Variants in STK17A observed in about 807,000 individuals in gnomAD.
STK17A encodes the protein serine/threonine kinase 17a.
STK17A carries 26 observed loss-of-function variants against 43.7 expected under a neutral mutation model. The ratio of observed to expected loss-of-function variants is 0.60; its 90% CI spans 0.44 to 0.83. The LOEUF (loss-of-function observed/expected upper bound fraction) is 0.83. STK17A is among the 40% of genes least tolerant of loss of function. STK17A has a pLI of 0.00. For synonymous variants in STK17A, 191 were observed against 182.5 expected, an observed-to-expected ratio of 1.05 and a Z score of -0.38; for missense variants, 476 against 511.6, an observed-to-expected ratio of 0.93 and a Z score of 0.67.
In STK17A at chr7:43,595,942, C is replaced by G. The variant is rs568389865; in HGVS notation, c.248C>G (p.Ser83Cys). ...GTGAGAAAATGTATAAAGAAAGATTCTGGGAAAGAATTTGCTGCAAAGTTC... is the reference window on the plus strand; with the variant it reads ...GTGAGAAAATGTATAAAGAAAGATTGTGGGAAAGAATTTGCTGCAAAGTTC... Reference protein sequence around the residue: ...AVVRKCIKKDSGKEFAAKFMR... With the variant: ...AVVRKCIKKDCGKEFAAKFMR... The change falls in exon 2 of 7, where the codon TCT becomes TGT. Residue 83 changes from serine to cysteine, a missense_variant. Transcript: ENST00000319357. 3.1e-5 allele frequency: 50 copies of G among 1,613,542 alleles called. No individual in the cohort carries two copies. Among genetic ancestry groups the G allele is most frequent in the Non-Finnish European group, 4.1e-5 (48 of 1,179,842 alleles).
At chr7:43,613,014 A>G (rs911387410) in intron 3 of STK17A, among the ~76,000 whole-genome samples, 6 of 152,244 alleles carry the variant, frequency 3.9e-5, no homozygotes, top group Admixed American at 1.3e-4. Flanking sequence ...AACAGTCTCA[A>G]TAATTTGGTG....
At chr7:43,600,521 A>G (rs943361918) in intron 2 of STK17A, among the ~76,000 whole-genome samples, 2 of 152,238 alleles carry the variant, frequency 1.3e-5, no homozygotes, top group Non-Finnish European at 2.9e-5. Flanking sequence ...TCACAGACAT[A>G]CATGAATGTA....
At position 43,619,461 on chromosome 7, in the gene STK17A, A is replaced by G. The variant is rs2083649494; in HGVS notation, c.565-136A>G. The stretch of plus-strand genomic sequence containing the variant: ...TACATAGGCAATAAATTGTAAAAAT[A>G]TTTCTTTAACAAATGACTGTTTACT... On this transcript the variant is annotated intron_variant, in intron 3 of 6. Coordinates refer to ENST00000319357, the MANE Select transcript of STK17A (RefSeq NM_004760.3). 3.7e-5 allele frequency: 43 copies of G among 1,156,496 alleles called. 1 individual carries two copies. In the South Asian group the frequency reaches 6.3e-4, roughly 17 times the overall value. The allele number at this position is 1,156,496 out of a possible 1,614,324, so 71.6% of individuals were successfully genotyped here.
rs563211377 is a variant in STK17A, at chr7:43,583,137, G to C, written c.-107G>C. ...TCCGAGCGCCGCGCTGGGGAGAGCGGGTGTTTGAAGGCTCCGCGGACCGGC... is the reference window on the plus strand; with the variant it reads ...TCCGAGCGCCGCGCTGGGGAGAGCGCGTGTTTGAAGGCTCCGCGGACCGGC... On this transcript the variant is annotated 5_prime_UTR_variant, in exon 1 of 7. Transcript: ENST00000319357. The C allele has an allele frequency of 8.2e-6, 10 of 1,218,616 alleles. No individual in the cohort carries two copies. The highest frequency in any genetic ancestry group is 9.1e-6 in the Non-Finnish European group (8 of 878,182). 75.5% of individuals were successfully genotyped at this position (1,218,616 alleles called of 1,614,324 possible). A position where few individuals can be genotyped will look rare whatever the true frequency, so the allele number is the denominator to read the frequency against.
rs185154969 is a variant in STK17A, at chr7:43,627,184, A to G, written c.*2342A>G. 5.3e-5 allele frequency among the ~76,000 whole-genome samples: 8 copies of G among 152,350 alleles called. No individual in the cohort carries two copies. The highest frequency in any genetic ancestry group is 3.9e-4 in the East Asian group (2 of 5,194). Reference sequence around the variant, plus strand: ...GTTGTTTATGAAATGTATAAAATGTATAAGTTTTAATCAACTGGGAAATGA... The same window carrying G: ...GTTGTTTATGAAATGTATAAAATGTGTAAGTTTTAATCAACTGGGAAATGA... On this transcript the variant is annotated 3_prime_UTR_variant, in exon 7 of 7. Coordinates refer to ENST00000319357, the MANE Select transcript of STK17A (RefSeq NM_004760.3).
At chr7:43,608,545 C>A in intron 3 of STK17A, 145 bp downstream of exon 3, 1 of 885,484 alleles carries the variant, frequency 1.1e-6, no homozygotes, top group East Asian at 2.7e-5. Flanking sequence ...CTCCTATCCT[C>A]TAGCCAGTTA....
intron 1 of STK17A, among the ~76,000 whole-genome samples, chr7:43,591,148 G>T (rs2082476189): frequency 6.6e-6 from 1 of 151,450 alleles, no homozygotes; most frequent in South Asian, 2.1e-4. Context: ...AGTGGTATGT[G>T]GTATTAGAAT....
chr7:43,583,502 C>T (rs1362235290), intron 1 of STK17A, 53 bp downstream of exon 1: 2 of 1,239,970 alleles, frequency 1.6e-6, no homozygotes, highest in Non-Finnish European at 2.0e-6. Context: ...CGGGGCGGGA[C>T]GTGGGCGCCG....
rs533178153 is a variant in STK17A, at chr7:43,591,620, C to T, written c.207-4281C>T. Among the ~76,000 whole-genome samples the T allele has an allele frequency of 4.0e-5, 6 of 151,464 alleles. No individual in the cohort carries two copies. In the South Asian group the frequency reaches 6.2e-4, roughly 16 times the overall value. On this transcript the variant is annotated intron_variant, in intron 1 of 6. Transcript: ENST00000319357. ...GTAGTCATTGATATGAAAGGAGAGC[C>T]GTGGGAACTGCATTCTAGCACCTAA...
At chr7:43,608,999 A>G (rs745617408) in intron 3 of STK17A, 1 of 152,356 alleles carries the variant, frequency 6.6e-6, no homozygotes, top group Non-Finnish European at 1.5e-5. Context: ...AAAGAAAAAC[A>G]AAGGACAGTA....
chr7:43,598,584 G>A (rs551495881), intron 2 of STK17A, among the ~76,000 whole-genome samples: 16 of 151,638 alleles, frequency 1.1e-4, no homozygotes, highest in Admixed American at 5.9e-4. Context: ...GAAATACTAC[G>A]ACAAACAACC....
chr7:43,624,510 CTT>C lies in STK17A; in HGVS notation c.921-6_921-5del, dbSNP rs758223728. 6.2e-7 allele frequency: 1 copy of C among 1,605,438 alleles called. No homozygotes were observed. The highest frequency in any genetic ancestry group is 1.1e-5 in the South Asian group (1 of 90,378). On this transcript the variant is annotated splice_polypyrimidine_tract_variant and splice_region_variant and intron_variant, in intron 6 of 6. Transcript: ENST00000319357. ...CATGTCTTAACTGTAAAACATGTATCTTTACAGAGATCGAGCCACTGCTGAAG... is the reference window on the plus strand; with the variant it reads ...CATGTCTTAACTGTAAAACATGTATCTACAGAGATCGAGCCACTGCTGAAG...
chr7:43,614,638 TAATA>T (rs2083182871), intron 3 of STK17A, among the ~76,000 whole-genome samples: 1 of 152,218 alleles, frequency 6.6e-6, no homozygotes, highest in African/African-American at 2.4e-5. Context: ...AAAGGCCACA[TAATA>T]AATATTAACT....
Position 43,587,160 on chromosome 7 carries a change from T to TG in STK17A, c.206+3711_206+3712insG, listed in dbSNP as rs1554477694. 1.8e-3 allele frequency among the ~76,000 whole-genome samples: 259 copies of TG among 142,432 alleles called. 12 individuals are homozygous for TG. Among genetic ancestry groups the TG allele is most frequent in the Middle Eastern group, 0.011 (3 of 284 alleles). 93.4% of individuals were successfully genotyped at this position (142,432 alleles called of 152,430 possible). On this transcript the variant is annotated intron_variant, in intron 1 of 6. Coordinates refer to ENST00000319357, the MANE Select transcript of STK17A (RefSeq NM_004760.3). ...TATGTTTTTATTGTTTTTTGTTTTTTTTTTTTTTTTTTGAGATGGAGTCTC... is the reference window on the plus strand; with the variant it reads ...TATGTTTTTATTGTTTTTTGTTTTTTGTTTTTTTTTTTTGAGATGGAGTCTC...
chr7:43,594,535 C>T (rs2082501865), intron 1 of STK17A, among the ~76,000 whole-genome samples: 1 of 152,038 alleles, frequency 6.6e-6, no homozygotes, highest in Non-Finnish European at 1.5e-5. Context: ...AAGACATTGG[C>T]ATTTGGTGTT....
rs558425384 is a variant in STK17A, at chr7:43,596,192, G to A, written c.419+79G>A. The A allele has an allele frequency of 4.5e-5, 60 of 1,332,978 alleles. 2 individuals are homozygous for A. In the South Asian group the frequency reaches 8.6e-4, roughly 19 times the overall value. 82.6% of individuals were successfully genotyped at this position (1,332,978 alleles called of 1,614,324 possible). ...CGGAATGCCACTCATCTGTGATAAT[G>A]TTGCCAGGCCTGGTTCTCTGGAAAT... On this transcript the variant is annotated intron_variant, in intron 2 of 6. Coordinates refer to ENST00000319357, the MANE Select transcript of STK17A (RefSeq NM_004760.3).
chr7:43,585,568 A>G (rs2152970149), intron 1 of STK17A, among the ~76,000 whole-genome samples: 1 of 151,716 alleles, frequency 6.6e-6, no homozygotes, highest in East Asian at 1.9e-4. Context: ...GGAACTGAAA[A>G]ATAAAATTAA....
chr7:43,616,391 T>C (rs1314569526), intron 3 of STK17A, among the ~76,000 whole-genome samples: 1 of 152,156 alleles, frequency 6.6e-6, no homozygotes, highest in African/African-American at 2.4e-5. Context: ...TTTTTTATAG[T>C]TATGTTTCTT....
intron 3 of STK17A, among the ~76,000 whole-genome samples, chr7:43,613,580 C>T (rs1211794513): frequency 6.6e-6 from 1 of 152,116 alleles, no homozygotes; most frequent in Non-Finnish European, 1.5e-5. Context: ...TGGTGGCTCA[C>T]ACCTGTAATC....
Sources: gnomAD v4.1 joint callset for allele counts (sites outside exome capture counted in the v4.1 genomes callset) on GRCh38, gnomAD v4.1.1 for gene constraint, MANE v1.5 for transcripts, NCBI Gene and HGNC (gene_info 2026-07-23, HGNC 2026-07-21) for gene names.